Variants in EP300 observed in about 807,000 individuals in gnomAD.
The protein encoded by EP300 is histone acetyltransferase p300.
A neutral mutation model predicts 264.0 loss-of-function variants in EP300; 31 were observed. That is an observed-to-expected ratio of 0.12 (90% CI 0.09 to 0.16). EP300 has a LOEUF of 0.16. Among genes scored for constraint, EP300 ranks in the 10% least tolerant of loss-of-function variants. The pLI, the probability that EP300 is intolerant of heterozygous loss-of-function variation, is 1.00. For synonymous variants in EP300, 1,340 were observed against 1,045.4 expected, an observed-to-expected ratio of 1.28 and a Z score of -5.44; for missense variants, 2,766 against 3,052.9, an observed-to-expected ratio of 0.91 and a Z score of 2.21.
At chr22:41,149,279 A>G (rs2059029533) in intron 13 of EP300, 104 bp downstream of exon 13, 8 of 1,362,428 alleles carry the variant, frequency 5.9e-6, no homozygotes, top group Non-Finnish European at 8.3e-6. Flanking sequence ...GTGAAAACAG[A>G]TGATTTTTTA....
chr22:41,158,987 AAACCTCACATAGCTCT>A (rs2145750460), intron 19 of EP300: 1 of 167,140 alleles, frequency 6.0e-6, no homozygotes, highest in South Asian at 1.4e-4. Flanking sequence ...ATTAAAAGGA[AAACCTCACATAGCTCT>A]CTGTACCTTA....
At position 41,150,155 on chromosome 22, in the gene EP300, C is replaced by G; in HGVS notation, c.2774C>G (p.Pro925Arg). 2 of 1,611,760 alleles carry G rather than the reference C, an allele frequency of 1.2e-6. No homozygotes were observed. The highest frequency in any genetic ancestry group is 1.7e-5 in the Admixed American group (1 of 59,944). Residue 925 changes from proline to arginine, a missense_variant, in exon 14 of 31, where the codon CCT becomes CGT. By Grantham distance (103) the Pro-to-Arg change is moderately radical. Coordinates refer to ENST00000263253, the MANE Select transcript of EP300 (RefSeq NM_001429.4). ...RSQQSTAASV[P>R]TPTAPLLPPQ... Reference sequence around the variant, plus strand: ...CAGCAGAGCACAGCAGCGTCTGTTCCTACCCCAACAGCACCGCTGCTTCCT... The same window carrying G: ...CAGCAGAGCACAGCAGCGTCTGTTCGTACCCCAACAGCACCGCTGCTTCCT...
At chr22:41,162,111 C>A (rs1336193565) in intron 20 of EP300, among the ~76,000 whole-genome samples, 3 of 152,184 alleles carry the variant, frequency 2.0e-5, no homozygotes, top group African/African-American at 4.8e-5. Context: ...GTGTCTATTT[C>A]TAACTCCCAG....
rs142080017 is a variant in EP300, at chr22:41,176,597, G to T, written c.5061+69G>T. 177 of 1,608,692 alleles carry T rather than the reference G, an allele frequency of 1.1e-4. No homozygotes were observed. In the African/African-American group the frequency reaches 2.1e-3, roughly 19 times the overall value. On this transcript the variant is annotated intron_variant, in intron 30 of 30. Coordinates refer to ENST00000263253, the MANE Select transcript of EP300 (RefSeq NM_001429.4). Reference sequence around the variant, plus strand: ...TTGTTCTGAGGGGCCATGCAGCCACGTATTTTATAGAGGCCTGTGGGATGC... The same window carrying T: ...TTGTTCTGAGGGGCCATGCAGCCACTTATTTTATAGAGGCCTGTGGGATGC...
rs1417784840 is a variant in EP300, at chr22:41,108,678, G to T, written c.95-8509G>T. Among the ~76,000 whole-genome samples the T allele has an allele frequency of 2.0e-5, 3 of 152,160 alleles. No homozygotes were observed. The East Asian group carries it at 5.8e-4, about 29-fold the overall frequency. ...ACTGCTCCTTGTGAAGCAGAAGAAAGATTTTACTGAAAGTGATGTTTGTAT... is the reference window on the plus strand; with the variant it reads ...ACTGCTCCTTGTGAAGCAGAAGAAATATTTTACTGAAAGTGATGTTTGTAT... On this transcript the variant is annotated intron_variant, in intron 1 of 30. Transcript: ENST00000263253.
chr22:41,093,064 T>C lies in EP300; in HGVS notation c.60T>C (p.Ser20=), dbSNP rs2145665664. The C allele has an allele frequency of 6.2e-7, 1 of 1,614,066 alleles. No individual in the cohort carries two copies. Among genetic ancestry groups the C allele is most frequent in the Non-Finnish European group, 8.5e-7 (1 of 1,179,998 alleles). The change falls in exon 1 of 31, where the codon TCT becomes TCC. Residue 20 remains serine (S), a synonymous_variant. Transcript: ENST00000263253. ...CAGCCAAGCGGCCTAAACTCTCATC[T>C]CCGGCCCTCTCGGCGTCCGCCAGCG... ...PPSAKRPKLS[S]PALSASASDG...
intron 7 of EP300, among the ~76,000 whole-genome samples, chr22:41,137,214 G>A (rs972260497): frequency 2.1e-4 from 32 of 151,436 alleles, no homozygotes; most frequent in African/African-American, 7.3e-4. Flanking sequence ...AAAATTAGCC[G>A]GACGTGGTGG....
At chr22:41,175,357 A>C (rs2059194285) in intron 29 of EP300, among the ~76,000 whole-genome samples, 1 of 152,220 alleles carries the variant, frequency 6.6e-6, no homozygotes, top group Non-Finnish European at 1.5e-5. Flanking sequence ...TAATTTCTTA[A>C]GGGGATGTTT....
intron 1 of EP300, among the ~76,000 whole-genome samples, chr22:41,094,535 A>G (rs991665003): frequency 6.6e-6 from 1 of 152,204 alleles, no homozygotes; most frequent in African/African-American, 2.4e-5. Context: ...ATCTGTACCT[A>G]TTCTATGAAG....
In EP300 at chr22:41,130,009, T is replaced by C. The variant is rs1221374581; in HGVS notation, c.1282+6T>C. 1 of 1,602,236 alleles carries C rather than the reference T, an allele frequency of 6.2e-7. No homozygotes were observed. Among genetic ancestry groups the C allele is most frequent in the Non-Finnish European group, 8.6e-7 (1 of 1,169,442 alleles). On this transcript the variant is annotated splice_donor_region_variant and intron_variant, in intron 5 of 30. Transcript: ENST00000263253. Reference sequence around the variant, plus strand: ...TGATAAGAGAAATCAACAGCGTAAGTGATGAAATCTTTTGAAGGTTTATAT... The same window carrying C: ...TGATAAGAGAAATCAACAGCGTAAGCGATGAAATCTTTTGAAGGTTTATAT...
At chr22:41,106,406 C>T (rs191606047) in intron 1 of EP300, among the ~76,000 whole-genome samples, 46 of 152,216 alleles carry the variant, frequency 3.0e-4, no homozygotes, top group African/African-American at 9.4e-4. Context: ...AAATCTCTAA[C>T]CTGGCCTTGG....
chr22:41,094,991 A>G (rs1166564515), intron 1 of EP300, among the ~76,000 whole-genome samples: 1 of 152,146 alleles, frequency 6.6e-6, no homozygotes, highest in Non-Finnish European at 1.5e-5. Context: ...ATAGTTTAAA[A>G]AAAAACTCAA....
intron 29 of EP300, among the ~76,000 whole-genome samples, chr22:41,175,635 T>G (rs188873967): frequency 6.6e-6 from 1 of 152,346 alleles, no homozygotes; most frequent in Non-Finnish European, 1.5e-5. Flanking sequence ...GCCAGTTGTT[T>G]TTCATACTGT....
At position 41,178,110 on chromosome 22, in the gene EP300, G is replaced by T. The variant is rs1440211714; in HGVS notation, c.6399G>T (p.Met2133Ile). Reference protein sequence around the residue: ...GVHSNPAMQNMNPMQAGVQRA... With the variant: ...GVHSNPAMQNINPMQAGVQRA... ...ACTCCAATCCAGCCATGCAGAACAT[G>T]AATCCAATGCAGGCGGGCGTTCAGA... is the stretch of plus-strand genomic sequence containing the variant. The change falls in exon 31 of 31, where the codon ATG becomes ATT. Residue 2133 changes from methionine to isoleucine, a missense_variant. Met to Ile is a conservative substitution (Grantham distance 10, BLOSUM62 1). Coordinates refer to ENST00000263253, the MANE Select transcript of EP300 (RefSeq NM_001429.4). The T allele has an allele frequency of 6.2e-7, 1 of 1,613,992 alleles. No homozygotes were observed. Among genetic ancestry groups the T allele is most frequent in the East Asian group, 2.2e-5 (1 of 44,882 alleles).
chr22:41,102,264 T>A (rs964507713), intron 1 of EP300, among the ~76,000 whole-genome samples: 1 of 152,176 alleles, frequency 6.6e-6, no homozygotes, highest in African/African-American at 2.4e-5. Flanking sequence ...TCACGGAGTC[T>A]GGTGTGATCA....
In EP300 at chr22:41,139,529, G is replaced by T. The variant is rs2058970193; in HGVS notation, c.1761-611G>T. Among the ~76,000 whole-genome samples the T allele has an allele frequency of 1.3e-5, 2 of 152,104 alleles. 1 individual carries two copies. The highest frequency in any genetic ancestry group is 4.1e-4 in the South Asian group (2 of 4,832). On this transcript the variant is annotated intron_variant, in intron 8 of 30. Transcript: ENST00000263253. Reference sequence around the variant, plus strand: ...TTGATCTGGTTCCTTCAAGTCCTATGCAACTGAGTACGGGATGTCCAAATA... The same window carrying T: ...TTGATCTGGTTCCTTCAAGTCCTATTCAACTGAGTACGGGATGTCCAAATA...
At chr22:41,128,440 G>A (rs1315288945) in intron 4 of EP300, among the ~76,000 whole-genome samples, 3 of 151,806 alleles carry the variant, frequency 2.0e-5, no homozygotes, top group East Asian at 3.8e-4. Context: ...CAGCCTGGAC[G>A]ATAGAACCAA....
At chr22:41,167,560 TTGTGTGTGTGTG>T (rs71328777) in intron 23 of EP300, among the ~76,000 whole-genome samples, 14 of 51,108 alleles carry the variant, frequency 2.7e-4, no homozygotes, top group African/African-American at 9.1e-4. Context: ...GTTTATATAT[TTGTGTGTGTGTG>T]TGTGTGTGTG....
At chr22:41,121,140 CTTTTCTTTTTTCTT>C (rs965053188) in intron 2 of EP300, among the ~76,000 whole-genome samples, 1 of 152,150 alleles carries the variant, frequency 6.6e-6, no homozygotes, top group Non-Finnish European at 1.5e-5. Context: ...CCCATCTCTA[CTTTTCTTTTTTCTT>C]TTTTCTTTTT....
Sources: gnomAD v4.1 joint callset for allele counts (sites outside exome capture counted in the v4.1 genomes callset) on GRCh38, gnomAD v4.1.1 for gene constraint, MANE v1.5 for transcripts, NCBI Gene and HGNC (gene_info 2026-07-23, HGNC 2026-07-21) for gene names.